Variants in PTPRU observed in about 807,000 individuals in gnomAD.
PTPRU encodes receptor-type tyrosine-protein phosphatase U.
A neutral mutation model predicts 166.3 loss-of-function variants in PTPRU; 69 were observed. The observed-to-expected ratio is 0.41, with a 90% CI of 0.34 to 0.51. The LOEUF is 0.51. Among genes scored for constraint, PTPRU ranks in the 20% least tolerant of loss-of-function variants. The pLI, the probability that PTPRU is intolerant of heterozygous loss-of-function variation, is 0.09. For missense variants in PTPRU, 1,657 were observed against 2,013.7 expected, an observed-to-expected ratio of 0.82 and a Z score of 3.39; for synonymous variants, 793 against 814.0, an observed-to-expected ratio of 0.97 and a Z score of 0.44.
chr1:29,247,933 G>A (rs1057020977), intron 1 of PTPRU, among the ~76,000 whole-genome samples: 3 of 152,184 alleles, frequency 2.0e-5, no homozygotes, highest in Non-Finnish European at 2.9e-5. Context: ...TGCAGCTATG[G>A]TGACTCCTGG....
chr1:29,264,036 G>A lies in PTPRU; in HGVS notation c.1144+3133G>A, dbSNP rs1685181400. On this transcript the variant is annotated intron_variant, in intron 7 of 29. Coordinates refer to ENST00000373779, the MANE Select transcript of PTPRU (RefSeq NM_133178.4). ...TACCAAAAATACAAAAATTAGCCAG[G>A]TGTGGTGGTGGGCTGTTGTCCCAGC... Among the ~76,000 whole-genome samples the A allele has an allele frequency of 2.0e-5, 3 of 152,120 alleles. No homozygotes were observed. The South Asian group carries it at 6.2e-4, about 32-fold the overall frequency.
At chr1:29,292,674 G>A (rs534146537) in intron 15 of PTPRU, among the ~76,000 whole-genome samples, 1 of 152,248 alleles carries the variant, frequency 6.6e-6, no homozygotes, top group African/African-American at 2.4e-5. Context: ...AATATGTAAT[G>A]TTTATGAAAG....
chr1:29,303,614 G>A (rs1410275501), intron 15 of PTPRU, among the ~76,000 whole-genome samples: 1 of 152,218 alleles, frequency 6.6e-6, no homozygotes, highest in African/African-American at 2.4e-5. Flanking sequence ...AGGGCCGCAA[G>A]GGCCCTCGGA....
rs770417978 is a variant in PTPRU, at chr1:29,259,828, C to T, written c.676-42C>T. On this transcript the variant is annotated intron_variant, in intron 5 of 29. Transcript: ENST00000373779. ...GGGTCAGAGCGAGATCGGGACCCCT[C>T]GCTCCGAGGCGCCCCTGACCCCCTC... 9 of 1,498,014 alleles carry T rather than the reference C, an allele frequency of 6.0e-6. No individual in the cohort carries two copies. The African/African-American group carries it at 8.3e-5, about 14-fold the overall frequency. 92.8% of individuals were successfully genotyped at this position (1,498,014 alleles called of 1,614,324 possible). A position where few individuals can be genotyped will look rare whatever the true frequency, so the allele number is the denominator to read the frequency against.
intron 14 of PTPRU, among the ~76,000 whole-genome samples, chr1:29,290,549 GC>G (rs1686580403): frequency 6.6e-6 from 1 of 152,184 alleles, no homozygotes; most frequent in Admixed American, 6.5e-5. Context: ...CGAAGTGCAG[GC>G]CCAGAGGGCG....
At chr1:29,296,298 A>G (rs925421868) in intron 15 of PTPRU, among the ~76,000 whole-genome samples, 1 of 152,218 alleles carries the variant, frequency 6.6e-6, no homozygotes, top group East Asian at 1.9e-4. Context: ...GGCTAACCAA[A>G]TTCCTTTTAG....
intron 28 of PTPRU, among the ~76,000 whole-genome samples, chr1:29,324,420 C>T (rs546139457): frequency 6.6e-6 from 1 of 151,678 alleles, no homozygotes; most frequent in African/African-American, 2.4e-5. Context: ...TGCCATTCCC[C>T]AGGAGGCACC....
chr1:29,301,281 T>A (rs6673675), intron 15 of PTPRU, among the ~76,000 whole-genome samples: 1 of 151,950 alleles, frequency 6.6e-6, no homozygotes, highest in Non-Finnish European at 1.5e-5. Context: ...AAGATTATAA[T>A]GGAGTTGAAA....
Position 29,323,621 on chromosome 1 carries a change from C to T in PTPRU, c.3955-10C>T. The T allele has an allele frequency of 6.2e-7, 1 of 1,613,886 alleles. No homozygotes were observed. ...TCATGTCCTCCCTGGCTGGCTGCCC[C>T]TGTCCCCAGTTGCAGGAGGGGCACC... On this transcript the variant is annotated splice_polypyrimidine_tract_variant and intron_variant, in intron 27 of 29. Coordinates refer to ENST00000373779, the MANE Select transcript of PTPRU (RefSeq NM_133178.4).
Position 29,260,061 on chromosome 1 carries a change from CG to C in PTPRU, c.850+21del. The C allele has an allele frequency of 8.6e-7, 1 of 1,165,116 alleles. No individual in the cohort carries two copies. The allele number at this position is 1,165,116 out of a possible 1,614,324, so 72.2% of individuals were successfully genotyped here. Reference sequence around the variant, plus strand: ...TCGTCAAGGGTCAGCTGGTGGACGCCGGGGAGCGCCGGGACCTCACCCTCGA... The same window carrying C: ...TCGTCAAGGGTCAGCTGGTGGACGCCGGGAGCGCCGGGACCTCACCCTCGA... On this transcript the variant is annotated intron_variant, in intron 6 of 29. Coordinates refer to ENST00000373779, the MANE Select transcript of PTPRU (RefSeq NM_133178.4). This position sits in a 1 kb window ranked among gnomAD's most constrained non-coding sequence, Gnocchi z 8.3.
At chr1:29,275,380 C>T in intron 7 of PTPRU, 68 bp from the exon 8 acceptor site, 1 of 1,447,332 alleles carries the variant, frequency 6.9e-7, no homozygotes, top group Non-Finnish European at 9.4e-7. Flanking sequence ...TGCTTTCTCT[C>T]CCTGTTCTTC....
intron 14 of PTPRU, among the ~76,000 whole-genome samples, chr1:29,286,919 A>G (rs533011788): frequency 6.6e-6 from 1 of 152,284 alleles, no homozygotes; most frequent in Admixed American, 6.5e-5. Flanking sequence ...CTCACTGTGT[A>G]GTACCCACTG....
At chr1:29,321,248 CT>C (rs1222249845) in intron 26 of PTPRU, among the ~76,000 whole-genome samples, 3 of 148,086 alleles carry the variant, frequency 2.0e-5, no homozygotes, top group African/African-American at 7.6e-5. Flanking sequence ...ACTGTGTTGC[CT>C]GGACTGGTCT....
intron 15 of PTPRU, among the ~76,000 whole-genome samples, chr1:29,301,980 T>C (rs1687153949): frequency 1.3e-5 from 2 of 152,184 alleles, no homozygotes; most frequent in Admixed American, 6.5e-5. Context: ...ATCCAGTCTA[T>C]CACTGATGGA....
At position 29,280,062 on chromosome 1, in the gene PTPRU, A is replaced by G; in HGVS notation, c.1789A>G (p.Met597Val). The G allele has an allele frequency of 6.2e-7, 1 of 1,613,760 alleles. No individual in the cohort carries two copies. Among genetic ancestry groups the G allele is most frequent in the Non-Finnish European group, 8.5e-7 (1 of 1,179,950 alleles). Residue 597 changes from methionine (M) to valine (V), a missense_variant, in exon 11 of 30, where the codon ATG becomes GTG. By Grantham distance (21) the Met-to-Val change is conservative. Transcript: ENST00000373779. The surrounding 1 kb of genome is among the most constrained non-coding windows in gnomAD (Gnocchi z 4.2). ...AGCTCCCAGCTTTGATTATGCCGAC[A>G]TGCCGTCACCCCTGGGCGAGTCTGA... The part of the protein sequence containing the change: ...ISAPSFDYAD[M>V]PSPLGESENT...
rs373544280 is a variant in PTPRU, at chr1:29,271,254, G to A, written c.1145-4194G>A. The stretch of plus-strand genomic sequence containing the variant: ...GGTCCCCAAGTTCTGTTTTGTCAGC[G>A]TGTGTTGACAGTTGAAGAGAGTGTG... On this transcript the variant is annotated intron_variant, in intron 7 of 29. Coordinates refer to ENST00000373779, the MANE Select transcript of PTPRU (RefSeq NM_133178.4). The surrounding 1 kb of genome is among the most constrained non-coding windows in gnomAD (Gnocchi z 4.4). 1.3e-5 allele frequency among the ~76,000 whole-genome samples: 2 copies of A among 152,210 alleles called. No homozygotes were observed. Among genetic ancestry groups the A allele is most frequent in the East Asian group, 1.9e-4 (1 of 5,204 alleles).
At chr1:29,296,667 C>G (rs1686895028) in intron 15 of PTPRU, among the ~76,000 whole-genome samples, 1 of 146,480 alleles carries the variant, frequency 6.8e-6, no homozygotes, top group Non-Finnish European at 1.5e-5. Context: ...CACTGTCATG[C>G]CTTGCTACTT....
intron 18 of PTPRU, among the ~76,000 whole-genome samples, chr1:29,309,955 T>C (rs1432601259): frequency 2.6e-5 from 4 of 152,180 alleles, no homozygotes; most frequent in African/African-American, 4.8e-5. Context: ...GTGAATTCTT[T>C]TGCTCAGAAA....
At chr1:29,263,879 T>C (rs568618654) in intron 7 of PTPRU, among the ~76,000 whole-genome samples, 1 of 152,284 alleles carries the variant, frequency 6.6e-6, no homozygotes, top group African/African-American at 2.4e-5. Flanking sequence ...AGATTATTTA[T>C]ATATTCTGAG....
Sources: gnomAD v4.1 joint callset for allele counts (sites outside exome capture counted in the v4.1 genomes callset) on GRCh38, gnomAD v4.1.1 for gene constraint, Gnocchi (gnomAD v3.1) non-coding constraint, MANE v1.5 for transcripts, NCBI Gene and HGNC (gene_info 2026-07-23, HGNC 2026-07-21) for gene names.